Variants in TRMT61B observed in about 807,000 individuals in gnomAD.
TRMT61B encodes the protein tRNA methyltransferase 61B.
A neutral mutation model predicts 52.0 loss-of-function variants in TRMT61B; 56 were observed. The ratio of observed to expected loss-of-function variants is 1.08; its 90% confidence interval spans 0.87 to 1.35. The LOEUF (loss-of-function observed/expected upper bound fraction) is 1.35. TRMT61B is among the 40% of genes most tolerant of loss of function. The probability of loss-of-function intolerance (pLI) is 0.00; values close to 1 mark genes in which losing one functional copy is unlikely to be tolerated. For synonymous variants in TRMT61B, 206 were observed against 220.0 expected, an observed-to-expected ratio of 0.94 and a Z score of 0.56; for missense variants, 650 against 577.9, an observed-to-expected ratio of 1.12 and a Z score of -1.28.
At chr2:28,869,550 C>A in intron 1 of TRMT61B, 29 bp downstream of exon 1, 1 of 1,524,448 alleles carries the variant, frequency 6.6e-7, no homozygotes, top group Non-Finnish European at 9.0e-7. Flanking sequence ...CTCCTGAAAC[C>A]AATACACACC....
chr2:28,850,706 C>T (rs1669054376), intron 5 of TRMT61B: 8 of 316,898 alleles, frequency 2.5e-5, no homozygotes, highest in Non-Finnish European at 4.0e-5. Context: ...TCAGTTCTTT[C>T]AAGAATTCCA....
intron 1 of TRMT61B, 137 bp from the exon 2 acceptor site, chr2:28,865,256 A>G (rs1242081441): frequency 3.6e-6 from 2 of 559,668 alleles, no homozygotes; most frequent in African/African-American, 1.9e-5. Flanking sequence ...TTCAGTTTAT[A>G]TTTCACTTGA....
Position 28,861,031 on chromosome 2 carries a change from G to A in TRMT61B, c.993+87C>T, listed in dbSNP as rs549075338. The A allele has an allele frequency of 4.0e-5, 45 of 1,122,898 alleles. No homozygotes were observed. In the South Asian group the frequency reaches 7.6e-4, roughly 19 times the overall value. 69.6% of individuals were successfully genotyped at this position (1,122,898 alleles called of 1,614,324 possible). ...AGAGATAGACATGAAGCAAACGAAG[G>A]AAGACCTTTGCCCATACAAAAGAAG... On this transcript the variant is annotated intron_variant, in intron 3 of 6. Transcript: ENST00000306108.
At chr2:28,868,449 C>T (rs1572558441) in intron 1 of TRMT61B, among the ~76,000 whole-genome samples, 1 of 152,222 alleles carries the variant, frequency 6.6e-6, no homozygotes, top group Non-Finnish European at 1.5e-5. Flanking sequence ...ACACTTAACA[C>T]TACTGGAAAT....
In TRMT61B at chr2:28,865,061, G is replaced by C. The variant is rs1669772062; in HGVS notation, c.758C>G (p.Ala253Gly). 1 of 1,613,374 alleles carries C rather than the reference G, an allele frequency of 6.2e-7. No individual in the cohort carries two copies. Among genetic ancestry groups the C allele is most frequent in the African/African-American group, 1.3e-5 (1 of 74,910 alleles). ...GCTCATTCCACCAGAGCCTGAGCCA[G>C]CTTCCAAAACAGTATCACCTGGGTT... ...DINPGDTVLE[A>G]GSGSGGMSLF... The change falls in exon 2 of 7, where the codon GCT (alanine) becomes GGT (glycine). Residue 253 changes from alanine (A) to glycine (G), a missense_variant. By Grantham distance (60) the Ala-to-Gly change is moderately conservative. Transcript: ENST00000306108.
chr2:28,865,363 G>A (rs937828836), intron 1 of TRMT61B, among the ~76,000 whole-genome samples: 4 of 152,160 alleles, frequency 2.6e-5, no homozygotes, highest in Admixed American at 2.6e-4. Flanking sequence ...TAGCAGGATG[G>A]CCTAGTTTAA....
intron 3 of TRMT61B, among the ~76,000 whole-genome samples, chr2:28,858,256 G>A (rs1229560137): frequency 6.6e-6 from 1 of 151,936 alleles, no homozygotes; most frequent in Admixed American, 6.6e-5. Context: ...TAGCCAGGAT[G>A]GTCTTGATCT....
At position 28,850,184 on chromosome 2, in the gene TRMT61B, T is replaced by C; in HGVS notation, c.*15A>G. On this transcript the variant is annotated 3_prime_UTR_variant, in exon 7 of 7. Coordinates refer to ENST00000306108, the MANE Select transcript of TRMT61B (RefSeq NM_017910.4). ...ATTTTTCCATCTTCAAGTCAGTTACTGTCATCTGGAGTACTCAGTTAAGTT... is the reference window on the plus strand; with the variant it reads ...ATTTTTCCATCTTCAAGTCAGTTACCGTCATCTGGAGTACTCAGTTAAGTT... The C allele has an allele frequency of 6.2e-7, 1 of 1,604,828 alleles. No individual in the cohort carries two copies. Among genetic ancestry groups the C allele is most frequent in the Non-Finnish European group, 8.5e-7 (1 of 1,175,212 alleles).
intron 3 of TRMT61B, among the ~76,000 whole-genome samples, chr2:28,856,136 G>C (rs1424467938): frequency 6.6e-6 from 1 of 152,124 alleles, no homozygotes; most frequent in Non-Finnish European, 1.5e-5. Context: ...TCAATTCTCA[G>C]TTAACAGCAT....
At chr2:28,865,373 AAGACAAAGAGT>A in intron 1 of TRMT61B, among the ~76,000 whole-genome samples, 1 of 152,340 alleles carries the variant, frequency 6.6e-6, no homozygotes, top group Admixed American at 6.5e-5. Context: ...GCCTAGTTTA[AAGACAAAGAGT>A]AGACAATTTA....
At chr2:28,859,245 A>G (rs958880772) in intron 3 of TRMT61B, among the ~76,000 whole-genome samples, 5 of 151,896 alleles carry the variant, frequency 3.3e-5, no homozygotes, top group African/African-American at 1.2e-4. Context: ...ACGCCCGGCT[A>G]ATTTTTTATA....
At chr2:28,868,035 T>C (rs1669922013) in intron 1 of TRMT61B, among the ~76,000 whole-genome samples, 3 of 152,010 alleles carry the variant, frequency 2.0e-5, no homozygotes, top group Non-Finnish European at 4.4e-5. Flanking sequence ...CTGGGTGACA[T>C]AGCAAGACCT....
At chr2:28,857,021 C>A (rs1037883132) in intron 3 of TRMT61B, among the ~76,000 whole-genome samples, 1 of 152,034 alleles carries the variant, frequency 6.6e-6, no homozygotes, top group Non-Finnish European at 1.5e-5. Flanking sequence ...GCACCCTCTG[C>A]CTCCTGGGTT....
chr2:28,852,133 GA>G (rs1202622361), intron 4 of TRMT61B, among the ~76,000 whole-genome samples: 1 of 150,188 alleles, frequency 6.7e-6, no homozygotes, highest in African/African-American at 2.5e-5. Context: ...CCAACATGGT[GA>G]AACCCCTTCT....
chr2:28,857,424 T>C (rs1039132354), intron 3 of TRMT61B, among the ~76,000 whole-genome samples: 1 of 152,040 alleles, frequency 6.6e-6, no homozygotes, highest in Non-Finnish European at 1.5e-5. Flanking sequence ...GGCTAGATGA[T>C]GAAAGGATAT....
intron 1 of TRMT61B, among the ~76,000 whole-genome samples, chr2:28,867,613 G>A (rs1429128124): frequency 6.6e-6 from 1 of 152,138 alleles, no homozygotes; most frequent in Non-Finnish European, 1.5e-5. Flanking sequence ...ACTTTTATCT[G>A]TAACAAATGG....
chr2:28,856,759 C>T (rs376758053), intron 3 of TRMT61B, among the ~76,000 whole-genome samples: 11 of 152,026 alleles, frequency 7.2e-5, no homozygotes, highest in East Asian at 1.9e-4. Context: ...CTCAGCCTCC[C>T]GAGTAGCTGG....
chr2:28,864,653 G>A (rs1189098960), intron 2 of TRMT61B, among the ~76,000 whole-genome samples: 1 of 152,216 alleles, frequency 6.6e-6, no homozygotes, highest in East Asian at 1.9e-4. Context: ...TCCCTACCTT[G>A]ATCTCGGTAA....
rs180712613 is a variant in TRMT61B, at chr2:28,862,544, A to G, written c.803-1236T>C. ...AGACAGGGTTTCGCCATGTTGCCAG[A>G]CTGGTCTCAAACTCGTGAGCTCAAG... On this transcript the variant is annotated intron_variant, in intron 2 of 6. Transcript: ENST00000306108. Among the ~76,000 whole-genome samples, 267 of 150,872 alleles carry G rather than the reference A, an allele frequency of 1.8e-3. 1 individual carries two copies. Among genetic ancestry groups the G allele is most frequent in the Non-Finnish European group, 2.3e-3 (159 of 67,662 alleles).
Sources: allele counts gnomAD v4.1 joint callset (sites outside exome capture counted in the v4.1 genomes callset), GRCh38; gene constraint gnomAD v4.1.1; transcripts MANE v1.5; gene names NCBI Gene and HGNC (gene_info 2026-07-23, HGNC 2026-07-21).